The following EEFSEC variants were observed in gnomAD, a reference collection of about 807,000 sequenced individuals.
EEFSEC encodes eukaryotic elongation factor, selenocysteine-tRNA specific, also known as selenocysteine-specific elongation factor.
Under a neutral mutation model 42.1 loss-of-function variants are expected in EEFSEC, and 43 were observed. The observed-to-expected ratio is 1.02, with a 90% CI of 0.80 to 1.32. The LOEUF (loss-of-function observed/expected upper bound fraction) is 1.32, where lower values mean the gene tolerates loss of function less well. EEFSEC is among the 40% of genes most tolerant of loss of function. The pLI is 0.00. For synonymous variants in EEFSEC, 354 were observed against 339.1 expected, an observed-to-expected ratio of 1.04 and a Z score of -0.48; for missense variants, 745 against 803.6, an observed-to-expected ratio of 0.93 and a Z score of 0.88.
At chr3:128,351,126 A>G (rs1316792348) in intron 5 of EEFSEC, among the ~76,000 whole-genome samples, 3 of 151,600 alleles carry the variant, frequency 2.0e-5, no homozygotes, top group Non-Finnish European at 1.5e-5. Context: ...GGTAAGAGGG[A>G]GAGAAGCAGA....
intron 5 of EEFSEC, among the ~76,000 whole-genome samples, chr3:128,350,082 C>T (rs757226865): frequency 1.6e-4 from 25 of 152,242 alleles, no homozygotes; most frequent in Non-Finnish European, 2.6e-4. Context: ...GAGCTGGCAG[C>T]ATTGGCCCAA....
In EEFSEC at chr3:128,262,111, C is replaced by T. The variant is rs1188927859; in HGVS notation, c.525-17C>T. On this transcript the variant is annotated splice_polypyrimidine_tract_variant and intron_variant, in intron 2 of 6. Transcript: ENST00000254730. ...GCTGATCTCTGTAACTGTGATGGGA[C>T]TTATTTTCCATTTCAGGTTCCGAGG... 1 of 1,613,280 alleles carries T rather than the reference C, an allele frequency of 6.2e-7. No homozygotes were observed. The highest frequency in any genetic ancestry group is 8.5e-7 in the Non-Finnish European group (1 of 1,179,354).
At chr3:128,337,535 G>A (rs951402309) in intron 4 of EEFSEC, among the ~76,000 whole-genome samples, 12 of 152,142 alleles carry the variant, frequency 7.9e-5, no homozygotes, top group African/African-American at 2.7e-4. Flanking sequence ...CTCAAGCCCC[G>A]GCACGTCTGG....
intron 6 of EEFSEC, among the ~76,000 whole-genome samples, chr3:128,382,151 C>T (rs989976941): frequency 1.6e-4 from 24 of 152,198 alleles, no homozygotes; most frequent in African/African-American, 5.5e-4. Context: ...AAAGCACTGC[C>T]CATCATGACC....
intron 6 of EEFSEC, among the ~76,000 whole-genome samples, chr3:128,385,727 G>A (rs73861061): frequency 1.3e-5 from 2 of 152,334 alleles, no homozygotes; most frequent in African/African-American, 4.8e-5. Context: ...CCGGACTCAC[G>A]ATCTGGCTCA....
chr3:128,172,425 A>G (rs544549505), intron 1 of EEFSEC, among the ~76,000 whole-genome samples: 3 of 152,318 alleles, frequency 2.0e-5, no homozygotes, highest in South Asian at 2.1e-4. Flanking sequence ...ATGTCCATAA[A>G]TAAAGCTTCA....
chr3:128,253,049 C>T (rs1018136790), intron 2 of EEFSEC, among the ~76,000 whole-genome samples: 1 of 152,158 alleles, frequency 6.6e-6, no homozygotes, highest in African/African-American at 2.4e-5. Flanking sequence ...CCAGGGTGCC[C>T]TAATGTGTAG....
chr3:128,389,878 C>T (rs1030978446), intron 6 of EEFSEC, among the ~76,000 whole-genome samples: 1 of 152,192 alleles, frequency 6.6e-6, no homozygotes, highest in African/African-American at 2.4e-5. Flanking sequence ...AAGCCTAGCC[C>T]ACGTGGATCC....
At chr3:128,399,313 A>T (rs2068020934) in intron 6 of EEFSEC, among the ~76,000 whole-genome samples, 1 of 152,178 alleles carries the variant, frequency 6.6e-6, no homozygotes. Flanking sequence ...ACATTAAGAC[A>T]TCAAAATGGG....
At chr3:128,201,432 T>C (rs2065643200) in intron 1 of EEFSEC, among the ~76,000 whole-genome samples, 2 of 152,198 alleles carry the variant, frequency 1.3e-5, no homozygotes, top group South Asian at 2.1e-4. Context: ...TGGTATCTAA[T>C]TGTGGTTTTA....
chr3:128,233,703 A>G (rs977808564), intron 1 of EEFSEC, among the ~76,000 whole-genome samples: 8 of 152,148 alleles, frequency 5.3e-5, no homozygotes, highest in South Asian at 2.1e-4. Flanking sequence ...CCTCAGCCTC[A>G]TGGTGGGCAT....
At chr3:128,301,089 A>G (rs1576620570) in intron 4 of EEFSEC, among the ~76,000 whole-genome samples, 1 of 152,306 alleles carries the variant, frequency 6.6e-6, no homozygotes, top group East Asian at 1.9e-4. Context: ...CACAAGTGGT[A>G]ATGTGGTTAT....
At chr3:128,336,435 G>A (rs530621109) in intron 4 of EEFSEC, among the ~76,000 whole-genome samples, 1 of 152,186 alleles carries the variant, frequency 6.6e-6, no homozygotes, top group Non-Finnish European at 1.5e-5. Flanking sequence ...TCATTCCTCT[G>A]CCATCCCCTG....
chr3:128,153,831 C>A lies in EEFSEC; in HGVS notation c.316+8C>A. On this transcript the variant is annotated splice_region_variant and intron_variant, in intron 1 of 6. Coordinates refer to ENST00000254730, the MANE Select transcript of EEFSEC (RefSeq NM_021937.5). ...TCCGGACCATCATCGGCGGTGAGCG[C>A]GGGCCGGGGCGGGAGCCGGGCTCAG... 1 of 1,497,568 alleles carries A rather than the reference C, an allele frequency of 6.7e-7. No homozygotes were observed. Among genetic ancestry groups the A allele is most frequent in the Non-Finnish European group, 8.8e-7 (1 of 1,130,862 alleles). The allele number at this position is 1,497,568 out of a possible 1,614,324, so 92.8% of individuals were successfully genotyped here.
At chr3:128,237,345 A>T (rs2999082) in intron 1 of EEFSEC, among the ~76,000 whole-genome samples, 127,371 of 151,898 alleles carry the variant, frequency 0.84, 53,878 homozygotes, top group East Asian at 0.99. Flanking sequence ...ATTATAAAAA[A>T]TTTTTTTCTC....
Position 128,301,941 on chromosome 3 carries a change from T to TG in EEFSEC, c.786+37166dup, listed in dbSNP as rs1434657573. 2.6e-5 allele frequency among the ~76,000 whole-genome samples: 4 copies of TG among 152,084 alleles called. No homozygotes were observed. The East Asian group carries it at 5.8e-4, about 22-fold the overall frequency. ...GTGGTCAGGCCATGCAGAAGGGACC[T>TG]GGGGGGCTACTCAAAGTTACCTAAT... is the stretch of plus-strand genomic sequence containing the variant. On this transcript the variant is annotated intron_variant, in intron 4 of 6. Coordinates refer to ENST00000254730, the MANE Select transcript of EEFSEC (RefSeq NM_021937.5).
rs537452691 is a variant in EEFSEC at position 128,406,838 on chromosome 3, A to G, written c.1601-1231A>G. Among the ~76,000 whole-genome samples, 18 of 150,520 alleles carry G rather than the reference A, an allele frequency of 1.2e-4. No homozygotes were observed. In the East Asian group the frequency reaches 3.5e-3, roughly 29 times the overall value. On this transcript the variant is annotated intron_variant, in intron 6 of 6. Transcript: ENST00000254730. Reference sequence around the variant, plus strand: ...ACACACACACACAACACACACACAAATATATATATATACACATATATATAC... The same window carrying G: ...ACACACACACACAACACACACACAAGTATATATATATACACATATATATAC...
At position 128,387,857 on chromosome 3, in the gene EEFSEC, G is replaced by A. The variant is rs1344712310; in HGVS notation, c.1601-20212G>A. Among the ~76,000 whole-genome samples the A allele has an allele frequency of 3.3e-5, 5 of 152,242 alleles. 1 individual carries two copies. In the East Asian group the frequency reaches 9.6e-4, roughly 29 times the overall value. On this transcript the variant is annotated intron_variant, in intron 6 of 6. Coordinates refer to ENST00000254730, the MANE Select transcript of EEFSEC (RefSeq NM_021937.5). ...GGAGCCCTGGCAGCCCCCACCTGAT[G>A]TGCCTGCCCCAGGCAGCATGGAGCA...
At chr3:128,263,369 G>C (rs2066318887) in intron 3 of EEFSEC, among the ~76,000 whole-genome samples, 1 of 152,262 alleles carries the variant, frequency 6.6e-6, no homozygotes, top group African/African-American at 2.4e-5. Flanking sequence ...GCAGAGCCAA[G>C]ATGAGATGTG....
Sources: gnomAD v4.1 joint callset for allele counts (sites outside exome capture counted in the v4.1 genomes callset) on GRCh38, gnomAD v4.1.1 for gene constraint, MANE v1.5 for transcripts, NCBI Gene and HGNC (gene_info 2026-07-23, HGNC 2026-07-21) for gene names.